Variants in KCTD10 observed in about 807,000 individuals in gnomAD.
The protein encoded by KCTD10 is BTB/POZ domain-containing adapter for CUL3-mediated RhoA degradation protein 3.
KCTD10 carries 13 observed loss-of-function variants against 34.6 expected under a neutral mutation model. The ratio of observed to expected loss-of-function variants is 0.38; its 90% confidence interval spans 0.24 to 0.60. The LOEUF (loss-of-function observed/expected upper bound fraction) is 0.60. Among genes scored for constraint, KCTD10 ranks in the 20% least tolerant of loss-of-function variants. The pLI, the probability that KCTD10 is intolerant of heterozygous loss-of-function variation, is 0.66. For missense variants in KCTD10, 256 were observed against 420.3 expected (o/e 0.61, Z 3.42); for synonymous variants, 156 against 168.8 (o/e 0.92, Z 0.59).
intron 1 of KCTD10, 189 bp from the exon 2 acceptor site, chr12:109,469,917 C>T (rs1873802934): frequency 7.6e-7 from 1 of 1,312,826 alleles, no homozygotes; most frequent in Non-Finnish European, 1.0e-6. Flanking sequence ...CTCCTAAAAT[C>T]AGAGGCCAAC....
At chr12:109,455,473 G>A (rs541589630) in intron 6 of KCTD10, 2 of 152,278 alleles carry the variant, frequency 1.3e-5, no homozygotes, top group South Asian at 4.1e-4. Context: ...GTCAGCTACA[G>A]AATCATGCAG....
At chr12:109,462,954 G>A (rs1873411349) in intron 2 of KCTD10, among the ~76,000 whole-genome samples, 1 of 152,054 alleles carries the variant, frequency 6.6e-6, no homozygotes, top group Non-Finnish European at 1.5e-5. Flanking sequence ...GGGAAAGACC[G>A]TATTATCTTT....
intron 1 of KCTD10, among the ~76,000 whole-genome samples, chr12:109,473,028 A>G (rs1233992690): frequency 6.8e-6 from 1 of 146,606 alleles, no homozygotes; most frequent in East Asian, 2.0e-4. Flanking sequence ...TTTCTACCAC[A>G]TGCCTTTTAC....
chr12:109,475,597 T>C (rs1354559776), intron 1 of KCTD10, among the ~76,000 whole-genome samples: 1 of 152,116 alleles, frequency 6.6e-6, no homozygotes, highest in African/African-American at 2.4e-5. Context: ...TTTAAAAAGC[T>C]CTTTGGGGGA....
chr12:109,470,627 A>C, intron 1 of KCTD10: 2 of 982,284 alleles, frequency 2.0e-6, no homozygotes, highest in Non-Finnish European at 2.4e-6. Flanking sequence ...GGCTGGCCCT[A>C]CCATTCCCAT....
At chr12:109,453,323 T>G (rs1357722836) in intron 6 of KCTD10, among the ~76,000 whole-genome samples, 2 of 151,956 alleles carry the variant, frequency 1.3e-5, no homozygotes, top group Non-Finnish European at 2.9e-5. Flanking sequence ...CCAAGTAGTT[T>G]AGACTACAGG....
At chr12:109,453,901 GC>G (rs1054022947) in intron 6 of KCTD10, among the ~76,000 whole-genome samples, 1 of 152,180 alleles carries the variant, frequency 6.6e-6, no homozygotes, top group Non-Finnish European at 1.5e-5. Context: ...AAGAGATACT[GC>G]CCAGGACAGA....
intron 6 of KCTD10, among the ~76,000 whole-genome samples, chr12:109,452,358 TG>T (rs1318240298): frequency 3.9e-5 from 6 of 152,268 alleles, no homozygotes; most frequent in African/African-American, 2.4e-5. Flanking sequence ...AGCAGTTTTT[TG>T]TACAGGGTCC....
At chr12:109,469,992 A>C in intron 1 of KCTD10, 2 of 1,208,626 alleles carry the variant, frequency 1.7e-6, no homozygotes, top group Non-Finnish European at 2.1e-6. Context: ...AGGGCCATGC[A>C]TCCCCTAGTT....
chr12:109,452,609 G>A (rs1022342087), intron 6 of KCTD10, among the ~76,000 whole-genome samples: 2 of 152,230 alleles, frequency 1.3e-5, no homozygotes, highest in Non-Finnish European at 2.9e-5. Context: ...AGAATGGGAT[G>A]CACACAGCAG....
chr12:109,473,314 G>C (rs1294636105), intron 1 of KCTD10, among the ~76,000 whole-genome samples: 1 of 152,096 alleles, frequency 6.6e-6, no homozygotes, highest in Non-Finnish European at 1.5e-5. Context: ...CTAAGGGTTT[G>C]GAGTTAGACC....
At chr12:109,452,193 A>T (rs919034024) in intron 6 of KCTD10, among the ~76,000 whole-genome samples, 3 of 152,210 alleles carry the variant, frequency 2.0e-5, no homozygotes, top group East Asian at 3.8e-4. Context: ...CTTGTGCCTA[A>T]CTTAACCTAG....
intron 2 of KCTD10, chr12:109,464,868 C>T (rs1873516991): frequency 4.4e-6 from 2 of 455,910 alleles, no homozygotes; most frequent in South Asian, 3.1e-5. Flanking sequence ...GCCATAACCA[C>T]TCCAGAAGGG....
chr12:109,450,953 A>G lies in KCTD10; in HGVS notation c.*642T>C, dbSNP rs1394920985. ...AACAAAGCCTTGCACCCAAAGTTGC[A>G]CTGGTCTCAACGATTTAGACGCTCA... On this transcript the variant is annotated 3_prime_UTR_variant, in exon 7 of 7. Coordinates refer to ENST00000228495, the MANE Select transcript of KCTD10 (RefSeq NM_031954.5). The G allele has an allele frequency of 2.6e-5, 4 of 152,586 alleles. No individual in the cohort carries two copies. The highest frequency in any genetic ancestry group is 2.0e-4 in the Admixed American group (3 of 15,280). 9.5% of individuals were successfully genotyped at this position (152,586 alleles called of 1,614,324 possible).
At position 109,452,197 on chromosome 12, in the gene KCTD10, A is replaced by G. The variant is rs534794440; in HGVS notation, c.724-384T>C. On this transcript the variant is annotated intron_variant, in intron 6 of 6. Transcript: ENST00000228495. ...CATGTCTTCCTCTTGTGCCTAACTTAACCTAGAGATCATTCTGTATCAAGG... is the reference window on the plus strand; with the variant it reads ...CATGTCTTCCTCTTGTGCCTAACTTGACCTAGAGATCATTCTGTATCAAGG... 2.8e-4 allele frequency among the ~76,000 whole-genome samples: 43 copies of G among 152,356 alleles called. No individual in the cohort carries two copies. The South Asian group carries it at 8.5e-3, about 30-fold the overall frequency.
In KCTD10 at chr12:109,471,111, G is replaced by A. The variant is rs1873864694; in HGVS notation, c.4-1383C>T. ...GCAGGGCACTGACAGCACATAACTTGTTTGAACTATTCCCTGAAACTGAAA... is the reference window on the plus strand; with the variant it reads ...GCAGGGCACTGACAGCACATAACTTATTTGAACTATTCCCTGAAACTGAAA... On this transcript the variant is annotated intron_variant, in intron 1 of 6. Transcript: ENST00000228495. The A allele has an allele frequency of 4.1e-6, 4 of 985,252 alleles. No individual in the cohort carries two copies. In the South Asian group the frequency reaches 1.9e-4, roughly 46 times the overall value. The allele number at this position is 985,252 out of a possible 1,614,324, so 61.0% of individuals were successfully genotyped here. A position where few individuals can be genotyped will look rare whatever the true frequency, so the allele number is the denominator to read the frequency against.
At chr12:109,453,063 T>C (rs1872857453) in intron 6 of KCTD10, among the ~76,000 whole-genome samples, 1 of 152,172 alleles carries the variant, frequency 6.6e-6, no homozygotes, top group Non-Finnish European at 1.5e-5. Flanking sequence ...CCTCTTTCTT[T>C]TCTCTTTTTT....
intron 5 of KCTD10, chr12:109,457,259 G>A (rs1333411885): frequency 5.1e-6 from 1 of 197,204 alleles, no homozygotes; most frequent in Non-Finnish European, 1.0e-5. Context: ...GGTTACCTAG[G>A]GCTGTGGGGT....
In KCTD10 at chr12:109,460,953, C is replaced by T. The variant is rs895560530; in HGVS notation, c.218-148G>A. On this transcript the variant is annotated intron_variant, in intron 2 of 6. Transcript: ENST00000228495. This position sits in a 1 kb window ranked among gnomAD's most constrained non-coding sequence, Gnocchi z 4.5. ...TGGCAGCCTCACCTGCCTACCTGCCCACTAAGGGCTGAGGAAGCCCCCACA... is the reference window on the plus strand; with the variant it reads ...TGGCAGCCTCACCTGCCTACCTGCCTACTAAGGGCTGAGGAAGCCCCCACA... 2.9e-5 allele frequency: 22 copies of T among 762,348 alleles called. No individual in the cohort carries two copies. Among genetic ancestry groups the T allele is most frequent in the Non-Finnish European group, 3.7e-5 (18 of 481,736 alleles). The allele number at this position is 762,348 out of a possible 1,614,324, so 47.2% of individuals were successfully genotyped here. A position where few individuals can be genotyped will look rare whatever the true frequency, so the allele number is the denominator to read the frequency against.
Sources: gnomAD v4.1 joint callset for allele counts (sites outside exome capture counted in the v4.1 genomes callset) on GRCh38, gnomAD v4.1.1 for gene constraint, Gnocchi (gnomAD v3.1) non-coding constraint, MANE v1.5 for transcripts, NCBI Gene and HGNC (gene_info 2026-07-23, HGNC 2026-07-21) for gene names.